The following RICTOR variants were observed in gnomAD, a reference collection of about 807,000 sequenced individuals.
RICTOR encodes rapamycin-insensitive companion of mTOR.
RICTOR carries 49 observed loss-of-function variants against 214.9 expected under a neutral mutation model. The observed-to-expected ratio is 0.23, with a 90% CI of 0.18 to 0.29. RICTOR has a LOEUF of 0.29. Among genes scored for constraint, RICTOR ranks in the 10% least tolerant of loss-of-function variants. RICTOR has a pLI of 1.00. For synonymous variants in RICTOR, 717 were observed against 711.3 expected, an observed-to-expected ratio of 1.01 and a Z score of -0.13; for missense variants, 1,625 against 2,047.0, an observed-to-expected ratio of 0.79 and a Z score of 3.98.
At chr5:39,062,139 C>A (rs182545119) in intron 2 of RICTOR, among the ~76,000 whole-genome samples, 2 of 151,960 alleles carry the variant, frequency 1.3e-5, no homozygotes, top group South Asian at 4.1e-4. Context: ...TACAGTAATA[C>A]GTCACTCTAA....
In RICTOR at chr5:39,009,386, A is replaced by C. The variant is rs191775822; in HGVS notation, c.196-5764T>G. ...TTATAATCTTAAAAAACAAACACGCACCATTTAAAAAGTGTTTAGAGAGGT... is the reference window on the plus strand; with the variant it reads ...TTATAATCTTAAAAAACAAACACGCCCCATTTAAAAAGTGTTTAGAGAGGT... On this transcript the variant is annotated intron_variant, in intron 3 of 37. Coordinates refer to ENST00000357387, the MANE Select transcript of RICTOR (RefSeq NM_152756.5). Among the ~76,000 whole-genome samples the C allele has an allele frequency of 2.2e-3, 332 of 152,288 alleles. 1 individual carries two copies. The highest frequency in any genetic ancestry group is 7.7e-3 in the African/African-American group (320 of 41,584).
At chr5:39,014,579 T>C (rs1455144760) in intron 3 of RICTOR, among the ~76,000 whole-genome samples, 1 of 152,138 alleles carries the variant, frequency 6.6e-6, no homozygotes, top group Non-Finnish European at 1.5e-5. Context: ...AGATTAAATA[T>C]AGGAAAAGAG....
intron 3 of RICTOR, among the ~76,000 whole-genome samples, chr5:39,006,983 T>C (rs1386728080): frequency 2.6e-5 from 4 of 152,150 alleles, no homozygotes; most frequent in African/African-American, 9.7e-5. Flanking sequence ...GTTACAAATT[T>C]AAGAGAATGC....
Position 38,999,027 on chromosome 5 carries a change from CAAAAAAAAAAAAA to C in RICTOR, c.393-2158_393-2146del, listed in dbSNP as rs1186312478. The stretch of plus-strand genomic sequence containing the variant: ...CGAGACTCCATCTCAAACAAACAGG[CAAAAAAAAAAAAA>C]AAAAAAAAAAACAAACCTAAAATAA... On this transcript the variant is annotated intron_variant, in intron 5 of 37. Transcript: ENST00000357387. 2.8e-4 allele frequency among the ~76,000 whole-genome samples: 7 copies of C among 25,350 alleles called. No homozygotes were observed. The East Asian group carries it at 0.01, about 37-fold the overall frequency. The allele number at this position is 25,350 out of a possible 152,430, so 16.6% of individuals were successfully genotyped here. A position where few individuals can be genotyped will look rare whatever the true frequency, so the allele number is the denominator to read the frequency against.
At chr5:38,952,449 AAC>A (rs750146799) in intron 29 of RICTOR, 24 bp from the exon 30 acceptor site, 9 of 1,446,264 alleles carry the variant, frequency 6.2e-6, no homozygotes, top group Non-Finnish European at 9.7e-7. Flanking sequence ...ATGCAGTAAA[AAC>A]AGTTATAATT....
intron 2 of RICTOR, among the ~76,000 whole-genome samples, chr5:39,060,190 T>G (rs1175358899): frequency 6.6e-6 from 1 of 152,130 alleles, no homozygotes; most frequent in Non-Finnish European, 1.5e-5. Context: ...AACTATGCTA[T>G]GAGGCAATTA....
chr5:39,057,453 A>T (rs1561072701), intron 2 of RICTOR, among the ~76,000 whole-genome samples: 1 of 152,164 alleles, frequency 6.6e-6, no homozygotes, highest in Non-Finnish European at 1.5e-5. Flanking sequence ...CACTTTAGAC[A>T]AAGTTCAGAT....
At position 39,026,903 on chromosome 5, in the gene RICTOR, G is replaced by A. The variant is rs535689428; in HGVS notation, c.98-5767C>T. On this transcript the variant is annotated intron_variant, in intron 2 of 37. Transcript: ENST00000357387. Reference sequence around the variant, plus strand: ...ATGCCTGTTAATCCCAGCTACTCAGGAGGCTGAGGCAGGAGAATCACTTGA... The same window carrying A: ...ATGCCTGTTAATCCCAGCTACTCAGAAGGCTGAGGCAGGAGAATCACTTGA... Among the ~76,000 whole-genome samples, 6 of 152,146 alleles carry A rather than the reference G, an allele frequency of 3.9e-5. No homozygotes were observed. The South Asian group carries it at 8.3e-4, about 21-fold the overall frequency.
intron 2 of RICTOR, among the ~76,000 whole-genome samples, chr5:39,037,528 A>T (rs1356967268): frequency 6.6e-6 from 1 of 152,180 alleles, no homozygotes; most frequent in Non-Finnish European, 1.5e-5. Context: ...TGAATCCAGG[A>T]GCTGGTTTTT....
chr5:38,942,224 G>T lies in RICTOR; in HGVS notation c.*80C>A. The T allele has an allele frequency of 2.5e-6, 2 of 808,098 alleles. No homozygotes were observed. The highest frequency in any genetic ancestry group is 4.1e-6 in the Non-Finnish European group (2 of 491,882). The allele number at this position is 808,098 out of a possible 1,614,324, so 50.1% of individuals were successfully genotyped here. On this transcript the variant is annotated 3_prime_UTR_variant, in exon 38 of 38. Coordinates refer to ENST00000357387, the MANE Select transcript of RICTOR (RefSeq NM_152756.5). Reference sequence around the variant, plus strand: ...TACTCCTGTCTTTGCTGCCTAGTCAGTCGTATTTTCTGAGGCTTTTAGGAA... The same window carrying T: ...TACTCCTGTCTTTGCTGCCTAGTCATTCGTATTTTCTGAGGCTTTTAGGAA...
chr5:38,962,857 C>A lies in RICTOR; in HGVS notation c.1566+19G>T. ...AAGATGTTGTGTTTAAGATGAAAAT[C>A]ATGATTTCATGTCAGCACCTTAAGG... is the stretch of plus-strand genomic sequence containing the variant. On this transcript the variant is annotated intron_variant, in intron 17 of 37. Transcript: ENST00000357387. 1 of 1,596,652 alleles carries A rather than the reference C, an allele frequency of 6.3e-7. No individual in the cohort carries two copies. Among genetic ancestry groups the A allele is most frequent in the South Asian group, 1.1e-5 (1 of 90,514 alleles).
chr5:39,013,337 T>A (rs1396029883), intron 3 of RICTOR, among the ~76,000 whole-genome samples: 2 of 152,172 alleles, frequency 1.3e-5, no homozygotes, highest in African/African-American at 4.8e-5. Flanking sequence ...CTGGTTTGAC[T>A]ATTAAAATCC....
rs1749925263 is a variant in RICTOR at position 38,963,047 on chromosome 5, G to C, written c.1401-6C>G. The stretch of plus-strand genomic sequence containing the variant: ...TCAAGGCTGCACTGGCTCGCCTAAT[G>C]AGAAAAACAATTCAATCAATACAGT... On this transcript the variant is annotated splice_region_variant and splice_polypyrimidine_tract_variant and intron_variant, in intron 16 of 37. Coordinates refer to ENST00000357387, the MANE Select transcript of RICTOR (RefSeq NM_152756.5). 1 of 1,600,724 alleles carries C rather than the reference G, an allele frequency of 6.2e-7. No homozygotes were observed. The highest frequency in any genetic ancestry group is 8.5e-7 in the Non-Finnish European group (1 of 1,172,820).
chr5:39,058,999 A>T (rs1264782166), intron 2 of RICTOR, among the ~76,000 whole-genome samples: 1 of 152,188 alleles, frequency 6.6e-6, no homozygotes, highest in Non-Finnish European at 1.5e-5. Flanking sequence ...GAAATGGAGA[A>T]GATGATTTAA....
At chr5:39,049,129 A>G (rs1237838243) in intron 2 of RICTOR, among the ~76,000 whole-genome samples, 1 of 152,130 alleles carries the variant, frequency 6.6e-6, no homozygotes, top group African/African-American at 2.4e-5. Context: ...AATGCTCCCA[A>G]GCAGCAGGCA....
At chr5:38,966,780 G>T in intron 14 of RICTOR, 59 bp from the exon 15 acceptor site, 2 of 917,986 alleles carry the variant, frequency 2.2e-6, no homozygotes, top group Non-Finnish European at 3.4e-6. Flanking sequence ...AAACATTTAT[G>T]CATCAGATTT....
In RICTOR at chr5:38,967,317, C is replaced by G. The variant is rs756909262; in HGVS notation, c.1151+20G>C. 2.5e-5 allele frequency: 40 copies of G among 1,604,274 alleles called. No individual in the cohort carries two copies. Among genetic ancestry groups the G allele is most frequent in the Non-Finnish European group, 3.4e-5 (40 of 1,172,540 alleles). ...ACCCGAATTCTAATAAATTGAAACCCTTTTTATTTTAAATTCTACCTGGAT... is the reference window on the plus strand; with the variant it reads ...ACCCGAATTCTAATAAATTGAAACCGTTTTTATTTTAAATTCTACCTGGAT... On this transcript the variant is annotated intron_variant, in intron 13 of 37. Transcript: ENST00000357387.
chr5:38,959,857 T>C lies in RICTOR; in HGVS notation c.1973A>G (p.His658Arg). ...NNGLLTTLSQ[H>R]YFLFIGTLSC... ...AAGTGTTCCAATAAATAAAAAGTAG[T>C]GTTGACTAAGGGTGGTCAATAAACC... The change falls in exon 21 of 38, where the codon CAC (histidine) becomes CGC (arginine). Residue 658 changes from histidine to arginine, a missense_variant. By Grantham distance (29) the His-to-Arg change is conservative. Coordinates refer to ENST00000357387, the MANE Select transcript of RICTOR (RefSeq NM_152756.5). The C allele has an allele frequency of 6.2e-7, 1 of 1,613,304 alleles. No individual in the cohort carries two copies. Among genetic ancestry groups the C allele is most frequent in the African/African-American group, 1.3e-5 (1 of 75,022 alleles).
chr5:38,960,611 A>C (rs1749712590), intron 19 of RICTOR, 78 bp from the exon 20 acceptor site: 1 of 1,408,898 alleles, frequency 7.1e-7, no homozygotes, highest in Non-Finnish European at 9.9e-7. Context: ...CTTATGACAT[A>C]ATAAGGCTTT....
Sources: gnomAD v4.1 joint callset for allele counts (sites outside exome capture counted in the v4.1 genomes callset) on GRCh38, gnomAD v4.1.1 for gene constraint, MANE v1.5 for transcripts, NCBI Gene and HGNC (gene_info 2026-07-23, HGNC 2026-07-21) for gene names.